C3orf52: variants seen among roughly 807,000 people sequenced by gnomAD.
The protein encoded by C3orf52 is TPA-induced transmembrane protein.
Under a neutral mutation model 24.8 loss-of-function variants are expected in C3orf52, and 22 were observed. The ratio of observed to expected loss-of-function variants is 0.89; its 90% CI spans 0.63 to 1.27. The LOEUF (loss-of-function observed/expected upper bound fraction) is 1.27, where lower values mean the gene tolerates loss of function less well. Among genes scored for constraint, C3orf52 ranks in the 50% most tolerant of loss-of-function variants. The pLI, the probability that C3orf52 is intolerant of heterozygous loss-of-function variation, is 0.00. For missense variants in C3orf52, 265 were observed against 260.7 expected (o/e 1.02, Z -0.11); for synonymous variants, 93 against 100.2 (o/e 0.93, Z 0.43).
intron 4 of C3orf52, among the ~76,000 whole-genome samples, chr3:112,110,344 T>A (rs578157225): frequency 6.9e-4 from 105 of 151,574 alleles, no homozygotes; most frequent in Non-Finnish European, 1.2e-3. Context: ...TAAAAATAAA[T>A]AAAAATAAAA....
intron 1 of C3orf52, among the ~76,000 whole-genome samples, chr3:112,087,749 T>C (rs1453151888): frequency 6.6e-6 from 1 of 152,136 alleles, no homozygotes; most frequent in East Asian, 1.9e-4. Flanking sequence ...AACTGTGAAC[T>C]GGCTGTATGA....
rs1231824951 is a variant in C3orf52, at chr3:112,116,906, G to A, written c.*260G>A. On this transcript the variant is annotated 3_prime_UTR_variant, in exon 6 of 6. Transcript: ENST00000264848. ...TAGGGTGGGGGCGATAGGGTCAGCG[G>A]GTATGTCCCACTGTTGGAGGTCACT... 1.3e-6 allele frequency: 2 copies of A among 1,537,186 alleles called. No individual in the cohort carries two copies. The highest frequency in any genetic ancestry group is 1.7e-6 in the Non-Finnish European group (2 of 1,146,862).
intron 1 of C3orf52, among the ~76,000 whole-genome samples, chr3:112,091,380 T>C (rs1375062843): frequency 1.3e-5 from 2 of 152,130 alleles, no homozygotes; most frequent in Non-Finnish European, 2.9e-5. Context: ...GGGCAGTCAG[T>C]GGCAACAGCA....
intron 3 of C3orf52, among the ~76,000 whole-genome samples, chr3:112,108,721 G>T (rs2074050556): frequency 6.6e-6 from 1 of 152,110 alleles, no homozygotes; most frequent in African/African-American, 2.4e-5. Context: ...AGTTTTAGAA[G>T]ATTATGTAGA....
chr3:112,115,691 A>G (rs1244122827), intron 5 of C3orf52, among the ~76,000 whole-genome samples: 2 of 152,084 alleles, frequency 1.3e-5, no homozygotes, highest in Admixed American at 1.3e-4. Context: ...TGGGGTTTGT[A>G]TATGTGCGCT....
At chr3:112,113,748 G>A in intron 5 of C3orf52, among the ~76,000 whole-genome samples, 1 of 152,142 alleles carries the variant, frequency 6.6e-6, no homozygotes, top group East Asian at 1.9e-4. Context: ...TTTAATAAAT[G>A]TAACAAACAC....
chr3:112,133,057 T>C, downstream of C3orf52: 1 of 1,605,942 alleles, frequency 6.2e-7, no homozygotes, highest in Non-Finnish European at 8.5e-7. Flanking sequence ...TCCTGTCCCA[T>C]CTCCTCTGCT....
downstream of C3orf52, chr3:112,134,434 T>G (rs2107821345): frequency 6.6e-6 from 1 of 152,312 alleles, no homozygotes; most frequent in South Asian, 2.1e-4. Flanking sequence ...AAAGTGCTCA[T>G]CGAAGCCCTG....
downstream of C3orf52, chr3:112,132,957 G>A (rs148406847): frequency 2.3e-5 from 20 of 856,522 alleles, no homozygotes; most frequent in Non-Finnish European, 2.4e-5. Context: ...GGCACTGAAG[G>A]CTTGGCAGTT....
intron 2 of C3orf52, among the ~76,000 whole-genome samples, chr3:112,095,222 ACCT>A (rs1392193345): frequency 6.6e-6 from 1 of 152,126 alleles, no homozygotes; most frequent in Non-Finnish European, 1.5e-5. Context: ...AGTGTGCTGC[ACCT>A]CCTCCGTCAT....
At chr3:112,123,350 G>A in intron 4 of C3orf52, 1 of 1,525,148 alleles carries the variant, frequency 6.6e-7, no homozygotes. Context: ...GGGTTGTTGT[G>A]GGAGATAAGC....
At chr3:112,120,683 T>C (rs567588752), downstream of C3orf52, among the ~76,000 whole-genome samples, 1 of 152,290 alleles carries the variant, frequency 6.6e-6, no homozygotes, top group South Asian at 2.1e-4. Context: ...ACAGGGACTC[T>C]TTCACTGAGG....
chr3:112,123,450 C>G (rs1482523132), intron 4 of C3orf52: 1 of 1,613,072 alleles, frequency 6.2e-7, no homozygotes, highest in Admixed American at 1.7e-5. Flanking sequence ...AGTCCAGCCA[C>G]TTCACTATAA....
chr3:112,123,598 G>T (rs1365984805), intron 4 of C3orf52: 2 of 1,614,110 alleles, frequency 1.2e-6, no homozygotes, highest in Admixed American at 3.3e-5. Flanking sequence ...GAAGGCATAT[G>T]TAGAAGTGAA....
chr3:112,118,400 G>A (rs570800987), downstream of C3orf52, among the ~76,000 whole-genome samples: 1 of 152,202 alleles, frequency 6.6e-6, no homozygotes, highest in Non-Finnish European at 1.5e-5. Context: ...GCAGGCAGAG[G>A]CCATCCCCTC....
At chr3:112,136,176 A>G in the C3orf52 span, among the ~76,000 whole-genome samples, 2 of 152,220 alleles carry the variant, frequency 1.3e-5, no homozygotes, top group South Asian at 2.1e-4. Context: ...GATAAACGCT[A>G]TGTGACAAAT....
chr3:112,116,053 A>G (rs2074130766), intron 5 of C3orf52, among the ~76,000 whole-genome samples: 1 of 152,158 alleles, frequency 6.6e-6, no homozygotes, highest in Non-Finnish European at 1.5e-5. Context: ...GGAGTCAGCT[A>G]GTAGACTGAG....
exon 5 of C3orf52, chr3:112,128,548 C>G (rs1344976897): frequency 7.5e-6 from 2 of 265,950 alleles, no homozygotes; most frequent in Non-Finnish European, 1.5e-5. Flanking sequence ...AGCTGGGGAC[C>G]ATATTGATCT....
chr3:112,096,167 TA>T (rs1353062719), intron 2 of C3orf52, among the ~76,000 whole-genome samples: 1 of 152,210 alleles, frequency 6.6e-6, no homozygotes, highest in Non-Finnish European at 1.5e-5. Context: ...GCGGAAGTGT[TA>T]ACTTTTGTTC....
Sources: gnomAD v4.1 joint callset for allele counts (sites outside exome capture counted in the v4.1 genomes callset) on GRCh38, gnomAD v4.1.1 for gene constraint, MANE v1.5 for transcripts, NCBI Gene and HGNC (gene_info 2026-07-23, HGNC 2026-07-21) for gene names.